Variants in MBD5 observed in about 807,000 individuals in gnomAD.
MBD5 encodes the protein methyl-CpG-binding domain protein 5.
Under a neutral mutation model 117.3 loss-of-function variants are expected in MBD5, and 13 were observed. The observed-to-expected ratio is 0.11, with a 90% CI of 0.07 to 0.18. The LOEUF is 0.18. Among genes scored for constraint, MBD5 ranks in the 10% least tolerant of loss-of-function variants. The pLI is 1.00. For missense variants in MBD5, 1,879 were observed against 2,093.8 expected, an observed-to-expected ratio of 0.90 and a Z score of 2.00; for synonymous variants, 727 against 766.4, an observed-to-expected ratio of 0.95 and a Z score of 0.85.
chr2:148,145,735 T>C (rs1697441809), intron 1 of MBD5, among the ~76,000 whole-genome samples: 1 of 152,210 alleles, frequency 6.6e-6, no homozygotes. Context: ...GGTCTGCTTA[T>C]GTGATGGATT....
At chr2:148,143,422 A>T (rs527351139) in intron 1 of MBD5, among the ~76,000 whole-genome samples, 1 of 152,228 alleles carries the variant, frequency 6.6e-6, no homozygotes, top group Non-Finnish European at 1.5e-5. Context: ...GAGCCTATTA[A>T]TATTATTTTA....
At chr2:148,324,241 T>C (rs890899772) in intron 3 of MBD5, among the ~76,000 whole-genome samples, 1 of 152,224 alleles carries the variant, frequency 6.6e-6, no homozygotes, top group African/African-American at 2.4e-5. Flanking sequence ...TTTTGGTTAC[T>C]GTAGCCTTGT....
chr2:148,045,636 A>T (rs1210639744), intron 1 of MBD5, among the ~76,000 whole-genome samples: 1 of 152,202 alleles, frequency 6.6e-6, no homozygotes, highest in African/African-American at 2.4e-5. Context: ...CAGAACTAAT[A>T]TCTGACCCCA....
intron 3 of MBD5, among the ~76,000 whole-genome samples, chr2:148,322,945 C>T (rs1374281637): frequency 6.6e-6 from 1 of 150,510 alleles, no homozygotes; most frequent in Non-Finnish European, 1.5e-5. Context: ...GCTGCACCCA[C>T]TAACTCGTCA....
At chr2:148,384,643 C>T (rs941506056) in intron 4 of MBD5, among the ~76,000 whole-genome samples, 2 of 151,916 alleles carry the variant, frequency 1.3e-5, no homozygotes, top group Non-Finnish European at 2.9e-5. Context: ...CAAAAGAGTC[C>T]ACATTGCCAA....
At position 148,469,276 on chromosome 2, in the gene MBD5, A is replaced by T. The variant is rs1330126318; in HGVS notation, c.1333A>T (p.Met445Leu). The change falls in exon 8 of 14, where the codon ATG becomes TTG. Residue 445 changes from methionine (M) to leucine (L), a missense_variant. Physicochemically the swap from Met to Leu is conservative, Grantham distance 15 (BLOSUM62 2). Coordinates refer to ENST00000642680, the MANE Select transcript of MBD5 (RefSeq NM_001378120.1). ...SPSPVTSPVHMMGTGIGRIEA... is the reference protein window; with the variant it reads ...SPSPVTSPVHLMGTGIGRIEA... The stretch of plus-strand genomic sequence containing the variant: ...TTCTCCAGTGACATCCCCCGTGCAC[A>T]TGATGGGGACTGGAATTGGAAGGAT... The T allele has an allele frequency of 1.2e-6, 2 of 1,613,890 alleles. No individual in the cohort carries two copies. Among genetic ancestry groups the T allele is most frequent in the Middle Eastern group, 3.3e-4 (2 of 6,060 alleles).
At chr2:148,377,581 TAC>T (rs1467646176) in intron 4 of MBD5, among the ~76,000 whole-genome samples, 2 of 152,220 alleles carry the variant, frequency 1.3e-5, no homozygotes, top group Non-Finnish European at 2.9e-5. Context: ...CTGCGTTTCT[TAC>T]AGTTTGACCA....
intron 5 of MBD5, 84 bp downstream of exon 5, chr2:148,458,955 C>T (rs1380844649): frequency 1.9e-6 from 2 of 1,064,164 alleles, no homozygotes; most frequent in Non-Finnish European, 2.9e-6. Flanking sequence ...ACTGATGGCA[C>T]CTCATATAAA....
intron 11 of MBD5, among the ~76,000 whole-genome samples, chr2:148,501,868 T>G (rs1041386809): frequency 1.3e-5 from 2 of 152,232 alleles, no homozygotes; most frequent in African/African-American, 4.8e-5. Context: ...CTAGGATAAG[T>G]GTTCAACAAG....
intron 4 of MBD5, among the ~76,000 whole-genome samples, chr2:148,354,321 T>C (rs1261449072): frequency 6.6e-6 from 1 of 152,012 alleles, no homozygotes; most frequent in Non-Finnish European, 1.5e-5. Context: ...TGTGTCCATG[T>C]GTTCTCATTG....
At chr2:148,074,726 A>G (rs543842927) in intron 1 of MBD5, among the ~76,000 whole-genome samples, 22 of 152,062 alleles carry the variant, frequency 1.4e-4, no homozygotes, top group Middle Eastern at 6.8e-3. Flanking sequence ...CTGGTCTTGA[A>G]TTCCTGACCT....
At chr2:148,340,837 T>TAC (rs141965837) in intron 3 of MBD5, among the ~76,000 whole-genome samples, 25,164 of 142,370 alleles carry the variant, frequency 0.18, 2,461 homozygotes, top group East Asian at 0.35. Flanking sequence ...AAACCACACA[T>TAC]ACACACACAC....
intron 3 of MBD5, among the ~76,000 whole-genome samples, chr2:148,273,462 G>A (rs10177233): frequency 0.95 from 144,116 of 152,130 alleles, 68,726 homozygotes; most frequent in East Asian, 1. Context: ...CTGGTGTTTG[G>A]GGTATTTTTC....
intron 3 of MBD5, among the ~76,000 whole-genome samples, chr2:148,269,834 T>C (rs2106336823): frequency 6.6e-6 from 1 of 152,058 alleles, no homozygotes; most frequent in East Asian, 1.9e-4. Context: ...TTTAGTTGAA[T>C]GTCAACCCTT....
chr2:148,396,178 TG>T (rs1704708560), intron 4 of MBD5, among the ~76,000 whole-genome samples: 1 of 152,194 alleles, frequency 6.6e-6, no homozygotes, highest in Non-Finnish European at 1.5e-5. Flanking sequence ...AGGGAACCAG[TG>T]ATCTTCCAGT....
intron 1 of MBD5, among the ~76,000 whole-genome samples, chr2:148,088,246 C>G (rs1239596559): frequency 6.6e-6 from 1 of 151,936 alleles, no homozygotes; most frequent in East Asian, 1.9e-4. Context: ...ATTGTTATTC[C>G]TGAGGAAGAA....
intron 4 of MBD5, among the ~76,000 whole-genome samples, chr2:148,416,529 T>A (rs1705424001): frequency 6.6e-6 from 1 of 152,228 alleles, no homozygotes; most frequent in South Asian, 2.1e-4. Context: ...TATCTGTGCA[T>A]GTGTTTGCAC....
At chr2:148,420,792 T>C (rs1379715772) in intron 4 of MBD5, among the ~76,000 whole-genome samples, 1 of 152,110 alleles carries the variant, frequency 6.6e-6, no homozygotes, top group Admixed American at 6.6e-5. Flanking sequence ...GGTGGTGCTA[T>C]CTCTGCTCAC....
At chr2:148,473,485 T>C (rs1680862611) in intron 8 of MBD5, among the ~76,000 whole-genome samples, 1 of 152,144 alleles carries the variant, frequency 6.6e-6, no homozygotes, top group Non-Finnish European at 1.5e-5. Flanking sequence ...TCAGGTGACC[T>C]CTTGCTCAAT....
Sources: allele counts gnomAD v4.1 joint callset (sites outside exome capture counted in the v4.1 genomes callset), GRCh38; gene constraint gnomAD v4.1.1; transcripts MANE v1.5; gene names NCBI Gene and HGNC (gene_info 2026-07-23, HGNC 2026-07-21).